The following IRS4 variants were observed in gnomAD, a reference collection of about 807,000 sequenced individuals.
IRS4 encodes the protein insulin receptor substrate 4, also known as 160 kDa phosphotyrosine protein.
IRS4 carries 15 observed loss-of-function variants against 48.6 expected under a neutral mutation model. That is an observed-to-expected ratio of 0.31 (90% CI 0.21 to 0.48). The LOEUF is 0.48. IRS4 is among the 20% of genes least tolerant of loss of function. IRS4 has a pLI of 0.99. For synonymous variants in IRS4, 459 were observed against 413.2 expected (o/e 1.11, Z -1.34); for missense variants, 987 against 1,023.4 (o/e 0.96, Z 0.49).
Position 108,720,026 on chromosome X carries a change from A to G in IRS4, c.*2493T>C, listed in dbSNP as rs1349975139. The G allele has an allele frequency of 8.9e-6, 1 of 111,895 alleles. No homozygotes were observed. The highest frequency in any genetic ancestry group is 1.9e-5 in the Non-Finnish European group (1 of 53,246). 9.2% of individuals were successfully genotyped at this position (111,895 alleles called of 1,213,427 possible). A position where few individuals can be genotyped will look rare whatever the true frequency, so the allele number is the denominator to read the frequency against. On this transcript the variant is annotated 3_prime_UTR_variant, in exon 2 of 2. Transcript: ENST00000372129. ...TATATAGATATACATATATATATAAACACTATACAGAGTTGCAAAGTCGTC... is the reference window on the plus strand; with the variant it reads ...TATATAGATATACATATATATATAAGCACTATACAGAGTTGCAAAGTCGTC...
At chrX:108,725,127 T>A (rs1255817802) in intron 1 of IRS4, among the ~76,000 whole-genome samples, 1 of 111,386 alleles carries the variant, frequency 9.0e-6, no homozygotes, top group Admixed American at 9.6e-5. Context: ...ATTTGTAGGG[T>A]GAGCCAAGTA....
At position 108,734,609 on chromosome X, in the gene IRS4, C is replaced by A. The variant is rs768815813; in HGVS notation, c.1736G>T (p.Gly579Val). 8 of 1,211,823 alleles carry A rather than the reference C, an allele frequency of 6.6e-6. No homozygotes were observed. Among genetic ancestry groups the A allele is most frequent in the Non-Finnish European group, 8.9e-6 (8 of 895,505 alleles). ...GTTCTTGCCACCACCTGAGCCATGG[C>A]CATCTCCAGGTCCCTGGCCACCACC... ...GSGGGQGPGDGHGSGGGKNSG... is the reference protein window; with the variant it reads ...GSGGGQGPGDVHGSGGGKNSG... The change falls in exon 1 of 2, where the codon GGC (glycine) becomes GTC (valine). Residue 579 changes from glycine (G) to valine (V), a missense_variant. Gly to Val is a moderately radical substitution (Grantham distance 109). Around this residue, in one of 4 missense-constraint regions of IRS4, gnomAD observed 720 missense variants for 660.3 expected, o/e 1.09. Coordinates refer to ENST00000372129, the MANE Select transcript of IRS4 (RefSeq NM_001379150.1).
At chrX:108,730,751 T>C (rs1368457997) in intron 1 of IRS4, among the ~76,000 whole-genome samples, 1 of 112,365 alleles carries the variant, frequency 8.9e-6, no homozygotes, top group Non-Finnish European at 1.9e-5. Flanking sequence ...CAAGGAACAG[T>C]AAGATTTCAC....
Position 108,733,985 on chromosome X carries a change from C to T in IRS4, c.2360G>A (p.Gly787Asp), listed in dbSNP as rs760863193. 8.3e-7 allele frequency: 1 copy of T among 1,211,497 alleles called. No individual in the cohort carries two copies. The highest frequency in any genetic ancestry group is 1.1e-6 in the Non-Finnish European group (1 of 895,333). ...SDYMFMAPGA[G>D]AIPKNPRNPQ... The stretch of plus-strand genomic sequence containing the variant: ...ATTTCTGGGGTTTTTTGGAATTGCA[C>T]CGGCTCCAGGAGCCATAAACATGTA... Residue 787 changes from glycine (G) to aspartate (D), a missense_variant, in exon 1 of 2, where the codon GGT (glycine) becomes GAT (aspartate). Around this residue, in one of 4 missense-constraint regions of IRS4, gnomAD observed 720 missense variants for 660.3 expected, o/e 1.09. Transcript: ENST00000372129.
intron 1 of IRS4, among the ~76,000 whole-genome samples, chrX:108,731,843 G>T (rs2068903465): frequency 8.9e-6 from 1 of 112,265 alleles, no homozygotes; most frequent in Non-Finnish European, 1.9e-5. Context: ...AATGTGACTT[G>T]CCTGTCATTA....
chrX:108,726,670 A>G, intron 1 of IRS4: 2 of 112,504 alleles, frequency 1.8e-5, no homozygotes, highest in Admixed American at 1.9e-4. Flanking sequence ...TTTCAAGTCT[A>G]TAAGTAGGAA....
intron 1 of IRS4, among the ~76,000 whole-genome samples, chrX:108,727,552 G>T (rs1043137648): frequency 8.9e-6 from 1 of 112,245 alleles, no homozygotes; most frequent in Admixed American, 9.4e-5. Flanking sequence ...AAAAAGCAGT[G>T]TCTTAAATTT....
chrX:108,725,843 T>C (rs1322909787), intron 1 of IRS4: 1 of 112,522 alleles, frequency 8.9e-6, no homozygotes, highest in African/African-American at 3.2e-5. Context: ...GGGAAATGTA[T>C]GACACTTGTA....
rs369073955 is a variant in IRS4 at position 108,733,311 on chromosome X, C to T, written c.3034G>A (p.Glu1012Lys). Reference protein sequence around the residue: ...LSATGSNAIEEEGDYIEVIFN... With the variant: ...LSATGSNAIEKEGDYIEVIFN... Reference sequence around the variant, plus strand: ...ATTACTTCAATGTAGTCACCCTCTTCCTCAATAGCATTGCTACCTGTAGCA... The same window carrying T: ...ATTACTTCAATGTAGTCACCCTCTTTCTCAATAGCATTGCTACCTGTAGCA... Residue 1012 changes from glutamate to lysine, a missense_variant, in exon 1 of 2, where the codon GAA becomes AAA. Physicochemically the swap from Glu to Lys is moderately conservative, Grantham distance 56 (BLOSUM62 1). Around this residue, in one of 4 missense-constraint regions of IRS4, gnomAD observed 720 missense variants for 660.3 expected, o/e 1.09. Coordinates refer to ENST00000372129, the MANE Select transcript of IRS4 (RefSeq NM_001379150.1). 8.3e-7 allele frequency: 1 copy of T among 1,209,993 alleles called. No homozygotes were observed. Among genetic ancestry groups the T allele is most frequent in the Non-Finnish European group, 1.1e-6 (1 of 895,191 alleles).
At position 108,736,321 on chromosome X, in the gene IRS4, G is replaced by C. The variant is rs761129939; in HGVS notation, c.24C>G (p.Arg8=). The C allele has an allele frequency of 2.4e-5, 29 of 1,211,455 alleles. No homozygotes were observed. Among genetic ancestry groups the C allele is most frequent in the Non-Finnish European group, 3.2e-5 (29 of 895,464 alleles). MASCSFT[R]DQATRRLRGA... is the part of the protein sequence containing the mutation. Reference sequence around the variant, plus strand: ...CTCTTAGTCTTCTTGTCGCTTGGTCGCGAGTGAAGGAGCAACTCGCCATGG... The same window carrying C: ...CTCTTAGTCTTCTTGTCGCTTGGTCCCGAGTGAAGGAGCAACTCGCCATGG... Residue 8 remains arginine (R), a synonymous_variant, in exon 1 of 2, where the codon CGC becomes CGG. Coordinates refer to ENST00000372129, the MANE Select transcript of IRS4 (RefSeq NM_001379150.1).
At chrX:108,731,489 C>G (rs2068901721) in intron 1 of IRS4, among the ~76,000 whole-genome samples, 1 of 111,817 alleles carries the variant, frequency 8.9e-6, no homozygotes, top group Non-Finnish European at 1.9e-5. Context: ...GCAATCATCT[C>G]TTGAAAATGT....
chrX:108,736,171 C>G lies in IRS4; in HGVS notation c.174G>C (p.Thr58=), dbSNP rs138838170. ...CGGAGTCTGACCGGGAGCCAGTGGC[C>G]GTGGAGAGCCACATGGCTCCCGGAC... ...SSCPGAMWLS[T]ATGSRSDSES... The change falls in exon 1 of 2, where the codon ACG becomes ACC. Residue 58 remains threonine (T), a synonymous_variant. Transcript: ENST00000372129. 21 of 1,207,987 alleles carry G rather than the reference C, an allele frequency of 1.7e-5. No individual in the cohort carries two copies. The highest frequency in any genetic ancestry group is 2.3e-5 in the Non-Finnish European group (21 of 894,464).
At chrX:108,731,697 T>C (rs2068902558) in intron 1 of IRS4, among the ~76,000 whole-genome samples, 1 of 112,006 alleles carries the variant, frequency 8.9e-6, no homozygotes, top group East Asian at 2.8e-4. Context: ...TTTCCTTGAT[T>C]TCCCATAAGA....
At chrX:108,729,637 G>C (rs554747668) in intron 1 of IRS4, among the ~76,000 whole-genome samples, 4 of 111,678 alleles carry the variant, frequency 3.6e-5, no homozygotes, top group African/African-American at 1.3e-4. Context: ...CATGTCTAAG[G>C]TTATACTTCT....
intron 1 of IRS4, among the ~76,000 whole-genome samples, chrX:108,730,009 C>T (rs150220419): frequency 4.0e-4 from 45 of 111,625 alleles, no homozygotes; most frequent in African/African-American, 1.4e-3. Context: ...TAAGCACCTG[C>T]CATCAATTAA....
rs767107481 is a variant in IRS4, at chrX:108,734,863, G to T, written c.1482C>A (p.Gly494=). The T allele has an allele frequency of 1.7e-6, 2 of 1,210,183 alleles. No individual in the cohort carries two copies. Among genetic ancestry groups the T allele is most frequent in the African/African-American group, 1.8e-5 (1 of 57,124 alleles). Residue 494 remains glycine, a synonymous_variant, in exon 1 of 2, where the codon GGC becomes GGA. Transcript: ENST00000372129. The stretch of plus-strand genomic sequence containing the variant: ...CTCCTGAGCCCCGGCCATTTCCTGA[G>T]CCCCAATTGTTCATAGGCATGTAGT... ...GGDYMPMNNW[G]SGNGRGSGGG...
rs767762654 is a variant in IRS4 at position 108,735,478 on chromosome X, C to T, written c.867G>A (p.Glu289=). 31 of 1,208,362 alleles carry T rather than the reference C, an allele frequency of 2.6e-5. No homozygotes were observed. Among genetic ancestry groups the T allele is most frequent in the Non-Finnish European group, 2.9e-5 (26 of 894,858 alleles). ...TGCCTACTTCCAAGAAGAAATACTG[C>T]TCCGAGTGTCCACAGCGACGGATGC... The part of the protein sequence containing the change: ...LLSIRRCGHS[E]QYFFLEVGRS... Residue 289 remains glutamate, a synonymous_variant, in exon 1 of 2, where the codon GAG becomes GAA. Coordinates refer to ENST00000372129, the MANE Select transcript of IRS4 (RefSeq NM_001379150.1).
rs1354656827 is a variant in IRS4 at position 108,734,576 on chromosome X, C to G, written c.1769G>C (p.Gly590Ala). 2 of 1,211,796 alleles carry G rather than the reference C, an allele frequency of 1.7e-6. No individual in the cohort carries two copies. The highest frequency in any genetic ancestry group is 2.2e-6 in the Non-Finnish European group (2 of 895,518). The change falls in exon 1 of 2, where the codon GGG (glycine) becomes GCG (alanine). Residue 590 changes from glycine to alanine, a missense_variant. Gly to Ala is a moderately conservative substitution (Grantham distance 60). Transcript: ENST00000372129. ...TTTCCCACTTCCTGAGCCTTTGCCC[C>G]CCCCAGAGTTCTTGCCACCACCTGA... ...HGSGGGKNSG[G>A]GKGSGSGKGS...
In IRS4 at chrX:108,733,858, C is replaced by T. The variant is rs777734959; in HGVS notation, c.2487G>A (p.Val829=). 1.1e-5 allele frequency: 13 copies of T among 1,209,365 alleles called. No individual in the cohort carries two copies. Among genetic ancestry groups the T allele is most frequent in the Non-Finnish European group, 1.5e-5 (13 of 895,142 alleles). The change falls in exon 1 of 2, where the codon GTG becomes GTA. Residue 829 remains valine (V), a synonymous_variant. Transcript: ENST00000372129. ...CCAGGAACTTTCCAGGTAACATTGG[C>T]ACATACTCACTGTTGTCATTCTGTC... is the stretch of plus-strand genomic sequence containing the variant. ...PLGQNDNSEY[V]PMLPGKFLGR...
Sources: gnomAD v4.1 joint callset for allele counts (sites outside exome capture counted in the v4.1 genomes callset) on GRCh38, gnomAD v4.1.1 for gene constraint, gnomAD v4.1.1 regional missense constraint, MANE v1.5 for transcripts, NCBI Gene and HGNC (gene_info 2026-07-23, HGNC 2026-07-21) for gene names.